The following ASH1L variants were observed in gnomAD, a reference collection of about 807,000 sequenced individuals.
ASH1L encodes the protein histone-lysine N-methyltransferase ASH1L.
A neutral mutation model predicts 269.0 loss-of-function variants in ASH1L; 23 were observed. The ratio of observed to expected loss-of-function variants is 0.09; its 90% CI spans 0.06 to 0.12. The LOEUF (loss-of-function observed/expected upper bound fraction) is 0.12, where lower values mean the gene tolerates loss of function less well. Ranked by LOEUF, ASH1L falls within the 10% of genes least tolerant of loss-of-function variation. The pLI is 1.00. For synonymous variants in ASH1L, 1,187 were observed against 1,253.5 expected, an observed-to-expected ratio of 0.95 and a Z score of 1.12; for missense variants, 2,912 against 3,567.8, an observed-to-expected ratio of 0.82 and a Z score of 4.68.
chr1:155,346,556 G>C, intron 20 of ASH1L, 87 bp from the exon 21 acceptor site: 1 of 1,081,362 alleles, frequency 9.2e-7, no homozygotes, highest in South Asian at 1.3e-5. Flanking sequence ...ATTAGCAATA[G>C]GTCAGGGTAA....
chr1:155,429,453 T>C (rs1661437609), intron 5 of ASH1L, among the ~76,000 whole-genome samples: 1 of 152,124 alleles, frequency 6.6e-6, no homozygotes, highest in South Asian at 2.1e-4. Context: ...TTTGTATTCT[T>C]AGTAGAGACG....
intron 1 of ASH1L, among the ~76,000 whole-genome samples, chr1:155,540,528 G>C (rs1276792064): frequency 6.6e-6 from 1 of 152,072 alleles, no homozygotes; most frequent in African/African-American, 2.4e-5. Context: ...CCAGCACTTT[G>C]GGAGGCCAAG....
Position 155,415,773 on chromosome 1 carries a change from C to T in ASH1L, c.5979G>A (p.Gly1993=), listed in dbSNP as rs760576788. The part of the protein sequence containing the change: ...RPPKKKYQKA[G]LYSDVYKTTD... ...TAGTTTTGTAAACGTCAGAATACAGCCCTGCTTTCTGATACTTCTTCTTTG... is the reference window on the plus strand; with the variant it reads ...TAGTTTTGTAAACGTCAGAATACAGTCCTGCTTTCTGATACTTCTTCTTTG... Residue 1993 remains glycine, a synonymous_variant, in exon 6 of 28, where the codon GGG becomes GGA. Transcript: ENST00000392403. 4 of 1,613,948 alleles carry T rather than the reference C, an allele frequency of 2.5e-6. No individual in the cohort carries two copies. The highest frequency in any genetic ancestry group is 1.1e-5 in the South Asian group (1 of 91,062).
intron 10 of ASH1L, among the ~76,000 whole-genome samples, chr1:155,376,195 A>T (rs1220337943): frequency 6.6e-6 from 1 of 152,224 alleles, no homozygotes; most frequent in Non-Finnish European, 1.5e-5. Context: ...TCAGTATGCA[A>T]AACACTATGT....
intron 1 of ASH1L, among the ~76,000 whole-genome samples, chr1:155,541,029 G>C (rs970363827): frequency 6.6e-6 from 1 of 152,142 alleles, no homozygotes; most frequent in African/African-American, 2.4e-5. Flanking sequence ...AGGATGGCTT[G>C]AGTCTGGCAG....
intron 4 of ASH1L, among the ~76,000 whole-genome samples, chr1:155,451,627 T>C (rs533177018): frequency 6.6e-6 from 1 of 151,812 alleles, no homozygotes; most frequent in Non-Finnish European, 1.5e-5. Flanking sequence ...GGCGTGGTGG[T>C]GGACACCTGT....
At position 155,338,078 on chromosome 1, in the gene ASH1L, A is replaced by T; in HGVS notation, c.8803+11T>A. On this transcript the variant is annotated intron_variant, in intron 27 of 27. Transcript: ENST00000392403. ...ATCTTAAACCCTAGATATGAACCTG[A>T]TTCTTCTTACCATTTTTTCCAGGGA... 1 of 1,610,754 alleles carries T rather than the reference A, an allele frequency of 6.2e-7. No individual in the cohort carries two copies. Among genetic ancestry groups the T allele is most frequent in the Non-Finnish European group, 8.5e-7 (1 of 1,177,744 alleles).
rs1652860186 is a variant in ASH1L, at chr1:155,341,977, C to T, written c.8419G>A (p.Asp2807Asn). The T allele has an allele frequency of 1.2e-6, 2 of 1,613,762 alleles. No homozygotes were observed. The highest frequency in any genetic ancestry group is 2.7e-5 in the African/African-American group (2 of 74,836). ...YPVCTKPYAFDHFPKKLTPKK... is the reference protein window; with the variant it reads ...YPVCTKPYAFNHFPKKLTPKK... ...GGAGTGAGCTTCTTGGGGAAGTGAT[C>T]AAAAGCATAGGGTTTGGTGCAGACA... Residue 2807 changes from aspartate (D) to asparagine (N), a missense_variant, in exon 25 of 28, where the codon GAT becomes AAT. Around this residue, in one of 13 missense-constraint regions of ASH1L, gnomAD observed 179 missense variants for 293.8 expected, o/e 0.61. Coordinates refer to ENST00000392403, the MANE Select transcript of ASH1L (RefSeq NM_018489.3).
intron 19 of ASH1L, among the ~76,000 whole-genome samples, chr1:155,348,164 C>T (rs980777943): frequency 1.1e-4 from 17 of 152,110 alleles, no homozygotes; most frequent in Non-Finnish European, 2.9e-5. Flanking sequence ...TTCTTGTCCC[C>T]AGATCAAATA....
intron 1 of ASH1L, among the ~76,000 whole-genome samples, chr1:155,528,434 G>C (rs544996379): frequency 3.4e-4 from 51 of 150,700 alleles, no homozygotes; most frequent in African/African-American, 7.9e-4. Context: ...TATTGCAATA[G>C]CTTTTTTTTT....
At chr1:155,502,768 C>T (rs1390467750) in intron 2 of ASH1L, among the ~76,000 whole-genome samples, 1 of 152,140 alleles carries the variant, frequency 6.6e-6, no homozygotes, top group South Asian at 2.1e-4. Flanking sequence ...TTTCTCCTTG[C>T]ACAGTGAAAC....
intron 2 of ASH1L, among the ~76,000 whole-genome samples, chr1:155,494,214 G>GA (rs1328499641): frequency 6.6e-6 from 1 of 152,124 alleles, no homozygotes; most frequent in East Asian, 1.9e-4. Context: ...AGGTATGTGG[G>GA]AAAAAACAGG....
intron 5 of ASH1L, among the ~76,000 whole-genome samples, chr1:155,429,029 T>C (rs1661402431): frequency 6.6e-6 from 1 of 152,112 alleles, no homozygotes; most frequent in African/African-American, 2.4e-5. Flanking sequence ...TACAATGCTT[T>C]AGAGAAATTA....
chr1:155,456,125 T>C (rs973714350), intron 4 of ASH1L, among the ~76,000 whole-genome samples: 6 of 152,202 alleles, frequency 3.9e-5, no homozygotes, highest in South Asian at 2.1e-4. Context: ...CTCTGTTGAA[T>C]TGAACTTTCT....
chr1:155,464,413 C>T (rs765459448), intron 3 of ASH1L, among the ~76,000 whole-genome samples: 3 of 151,982 alleles, frequency 2.0e-5, no homozygotes, highest in Admixed American at 1.3e-4. Flanking sequence ...AATATTACTA[C>T]GTAGACCACC....
chr1:155,352,481 G>A (rs538160533), intron 17 of ASH1L, among the ~76,000 whole-genome samples: 1 of 151,574 alleles, frequency 6.6e-6, no homozygotes, highest in Admixed American at 6.6e-5. Flanking sequence ...TAATATCAAA[G>A]ATAATCAGGA....
chr1:155,380,223 TTTAA>T (rs1289202806), intron 7 of ASH1L, 107 bp from the exon 8 acceptor site: 1 of 752,200 alleles, frequency 1.3e-6, no homozygotes, highest in African/African-American at 1.8e-5. Context: ...AAAATAAAGA[TTTAA>T]TTCTTTAAGG....
intron 1 of ASH1L, among the ~76,000 whole-genome samples, chr1:155,535,082 G>A (rs906077882): frequency 7.2e-5 from 11 of 151,974 alleles, no homozygotes; most frequent in African/African-American, 2.4e-4. Context: ...CCAACTACTC[G>A]GGAGGCTGAG....
chr1:155,533,480 G>A (rs892692635), intron 1 of ASH1L, among the ~76,000 whole-genome samples: 2 of 151,910 alleles, frequency 1.3e-5, no homozygotes, highest in East Asian at 1.9e-4. Flanking sequence ...TTGGGAGGCC[G>A]AGGCGGGTGG....
Sources: gnomAD v4.1 joint callset for allele counts (sites outside exome capture counted in the v4.1 genomes callset) on GRCh38, gnomAD v4.1.1 for gene constraint, gnomAD v4.1.1 regional missense constraint, MANE v1.5 for transcripts, NCBI Gene and HGNC (gene_info 2026-07-23, HGNC 2026-07-21) for gene names.